The following CFAP77 variants were observed in gnomAD, a reference collection of about 807,000 sequenced individuals.
CFAP77 encodes the protein cilia- and flagella-associated protein 77.
In CFAP77, 25 loss-of-function variants were observed where a neutral mutation model predicts 31.1. The ratio of observed to expected loss-of-function variants is 0.80; its 90% confidence interval spans 0.59 to 1.12. The LOEUF is 1.12. Among genes scored for constraint, CFAP77 ranks in the 50% most tolerant of loss-of-function variants. The pLI, the probability that CFAP77 is intolerant of heterozygous loss-of-function variation, is 0.00. For synonymous variants in CFAP77, 151 were observed against 159.9 expected (o/e 0.94, Z 0.42); for missense variants, 377 against 397.3 (o/e 0.95, Z 0.44).
rs139008147 is a variant in CFAP77 at position 132,458,357 on chromosome 9, G to GGAGTGT, written c.196-40337_196-40336insAGTGTG. Among the ~76,000 whole-genome samples, 699 of 119,052 alleles carry GGAGTGT rather than the reference G, an allele frequency of 5.9e-3. 24 individuals are homozygous for GGAGTGT. Among genetic ancestry groups the GGAGTGT allele is most frequent in the African/African-American group, 0.021 (656 of 30,966 alleles). The allele number at this position is 119,052 out of a possible 152,430, so 78.1% of individuals were successfully genotyped here. On this transcript the variant is annotated intron_variant, in intron 1 of 5. Transcript: ENST00000393216. Reference sequence around the variant, plus strand: ...GTCTCCCTGGCGGGGGAGGGGGGGGGGTGTGTATGGAAGGCTCAGCTCATC... The same window carrying GGAGTGT: ...GTCTCCCTGGCGGGGGAGGGGGGGGGGAGTGTGTGTGTATGGAAGGCTCAGCTCATC...
At position 132,513,933 on chromosome 9, in the gene CFAP77, G is replaced by A. The variant is rs988522674; in HGVS notation, c.524+14333G>A. ...ACTGTGAGGAGATGACCCTTCCCCT[G>A]TACCCCTGACCACAGATGACAGTGA... On this transcript the variant is annotated intron_variant, in intron 3 of 5. Transcript: ENST00000393216. 6.4e-5 allele frequency among the ~76,000 whole-genome samples: 8 copies of A among 124,124 alleles called. 1 individual carries two copies. Among genetic ancestry groups the A allele is most frequent in the African/African-American group, 2.0e-4 (7 of 34,458 alleles). 81.4% of individuals were successfully genotyped at this position (124,124 alleles called of 152,430 possible).
chr9:132,549,243 C>G (rs1852785221), intron 5 of CFAP77, among the ~76,000 whole-genome samples: 1 of 152,300 alleles, frequency 6.6e-6, no homozygotes, highest in South Asian at 2.1e-4. Flanking sequence ...ATGGGCCGAC[C>G]CCCACAAAGG....
At chr9:132,468,141 G>C (rs181452679) in intron 1 of CFAP77, among the ~76,000 whole-genome samples, 1 of 151,882 alleles carries the variant, frequency 6.6e-6, no homozygotes, top group Non-Finnish European at 1.5e-5. Flanking sequence ...TCAGGAGTTC[G>C]AGACCAGCCT....
At chr9:132,496,508 G>A (rs1218413529) in intron 1 of CFAP77, among the ~76,000 whole-genome samples, 1 of 152,174 alleles carries the variant, frequency 6.6e-6, no homozygotes, top group Admixed American at 6.5e-5. Context: ...CATCCGACCT[G>A]TCCCCAGCCC....
chr9:132,447,616 G>A (rs189200317), intron 1 of CFAP77, among the ~76,000 whole-genome samples: 80 of 152,332 alleles, frequency 5.3e-4, no homozygotes, highest in African/African-American at 1.9e-3. Context: ...TCAGCACGTC[G>A]GTTACACACA....
intron 5 of CFAP77, among the ~76,000 whole-genome samples, chr9:132,566,265 A>T (rs991548736): frequency 3.3e-5 from 5 of 152,104 alleles, no homozygotes; most frequent in African/African-American, 1.2e-4. Flanking sequence ...GAGGCAATGG[A>T]GCTCGTGACG....
intron 3 of CFAP77, among the ~76,000 whole-genome samples, chr9:132,525,626 ATG>A (rs145692055): frequency 6.6e-6 from 1 of 151,302 alleles, no homozygotes; most frequent in Non-Finnish European, 1.5e-5. Flanking sequence ...GCATGTGTGT[ATG>A]TGTGTGTGTG....
chr9:132,427,571 C>T (rs1219927024), intron 1 of CFAP77, among the ~76,000 whole-genome samples: 5 of 152,084 alleles, frequency 3.3e-5, no homozygotes, highest in Non-Finnish European at 5.9e-5. Context: ...GCCGAGATCA[C>T]GCAACTGCAC....
intron 1 of CFAP77, among the ~76,000 whole-genome samples, chr9:132,435,095 T>C (rs1002096716): frequency 1.3e-5 from 2 of 152,162 alleles, no homozygotes; most frequent in African/African-American, 4.8e-5. Context: ...GGAGGTGGTG[T>C]TGTGGGCTGT....
intron 3 of CFAP77, among the ~76,000 whole-genome samples, chr9:132,530,136 C>CTTTTTTTTTTTTTTTTTTTTTTT (rs750962954): frequency 4.5e-4 from 42 of 93,256 alleles, no homozygotes; most frequent in African/African-American, 1.3e-3. Context: ...TCTTTCTTTT[C>CTTTTTTTTTTTTTTTTTTTTTTT]TTTTTTTTTT....
rs979442667 is a variant in CFAP77 at position 132,517,377 on chromosome 9, C to A, written c.524+17777C>A. On this transcript the variant is annotated intron_variant, in intron 3 of 5. Coordinates refer to ENST00000393216, the MANE Select transcript of CFAP77 (RefSeq NM_001282957.2). The surrounding 1 kb of genome is among the most constrained non-coding windows in gnomAD (Gnocchi z 4.7). ...AGAAGCATCAAGAGCCAAATAAGGA[C>A]CCGTCTTGAGTGGAATCACGTTGAA... Among the ~76,000 whole-genome samples, 5 of 152,332 alleles carry A rather than the reference C, an allele frequency of 3.3e-5. No individual in the cohort carries two copies. The highest frequency in any genetic ancestry group is 1.2e-4 in the African/African-American group (5 of 41,570).
At chr9:132,533,962 G>GT (rs1039977206) in intron 3 of CFAP77, among the ~76,000 whole-genome samples, 1 of 152,156 alleles carries the variant, frequency 6.6e-6, no homozygotes, top group African/African-American at 2.4e-5. Context: ...TTTACGTTGG[G>GT]TTTTTTCCCC....
In CFAP77 at chr9:132,552,255, G is replaced by A. The variant is rs1852834334; in HGVS notation, c.732+9208G>A. Among the ~76,000 whole-genome samples, 1 of 152,244 alleles carries A rather than the reference G, an allele frequency of 6.6e-6. No homozygotes were observed. Among genetic ancestry groups the A allele is most frequent in the Non-Finnish European group, 1.5e-5 (1 of 68,042 alleles). On this transcript the variant is annotated intron_variant, in intron 5 of 5. Coordinates refer to ENST00000393216, the MANE Select transcript of CFAP77 (RefSeq NM_001282957.2). The surrounding 1 kb of genome is among the most constrained non-coding windows in gnomAD (Gnocchi z 5.5). ...GAGAGGACCAAGTGCAATCATGCGTGTGAAGCGCGTGGCACAGGCCTGGCT... is the reference window on the plus strand; with the variant it reads ...GAGAGGACCAAGTGCAATCATGCGTATGAAGCGCGTGGCACAGGCCTGGCT...
Position 132,501,402 on chromosome 9 carries a change from C to CTTT in CFAP77, c.524+1815_524+1817dup, listed in dbSNP as rs750312944. ...CCAGCTCAGGTTACATGACTATCTT[C>CTTT]TTTTTTTTTTTTTTTGGACAGTGTC... On this transcript the variant is annotated intron_variant, in intron 3 of 5. Coordinates refer to ENST00000393216, the MANE Select transcript of CFAP77 (RefSeq NM_001282957.2). This position sits in a 1 kb window ranked among gnomAD's most constrained non-coding sequence, Gnocchi z 4.6. Among the ~76,000 whole-genome samples, 2 of 142,012 alleles carry CTTT rather than the reference C, an allele frequency of 1.4e-5. No individual in the cohort carries two copies. Among genetic ancestry groups the CTTT allele is most frequent in the Non-Finnish European group, 3.1e-5 (2 of 64,788 alleles). The allele number at this position is 142,012 out of a possible 152,430, so 93.2% of individuals were successfully genotyped here.
chr9:132,570,489 G>A (rs1016590822), intron 5 of CFAP77, among the ~76,000 whole-genome samples: 5 of 152,242 alleles, frequency 3.3e-5, no homozygotes, highest in African/African-American at 1.2e-4. Context: ...GCTGAGGCTG[G>A]ACAGCTCTGA....
rs562832629 is a variant in CFAP77 at position 132,564,192 on chromosome 9, C to T, written c.733-8196C>T. On this transcript the variant is annotated intron_variant, in intron 5 of 5. Coordinates refer to ENST00000393216, the MANE Select transcript of CFAP77 (RefSeq NM_001282957.2). The surrounding 1 kb of genome is among the most constrained non-coding windows in gnomAD (Gnocchi z 4.6). The stretch of plus-strand genomic sequence containing the variant: ...ACACAATGGATGGTCAATAAATAAG[C>T]ATTGAATAAAATCATGAATACATAA... 3.3e-5 allele frequency among the ~76,000 whole-genome samples: 5 copies of T among 152,278 alleles called. No individual in the cohort carries two copies. Among genetic ancestry groups the T allele is most frequent in the Admixed American group, 3.3e-4 (5 of 15,282 alleles).
At chr9:132,485,443 T>G (rs1399911193) in intron 1 of CFAP77, among the ~76,000 whole-genome samples, 1 of 152,204 alleles carries the variant, frequency 6.6e-6, no homozygotes, top group East Asian at 1.9e-4. Context: ...AAGCTCATGT[T>G]CTTAATCACA....
intron 3 of CFAP77, among the ~76,000 whole-genome samples, chr9:132,530,966 TGA>T: frequency 6.6e-6 from 1 of 152,296 alleles, no homozygotes; most frequent in East Asian, 1.9e-4. Flanking sequence ...AGACTTAGGT[TGA>T]GTTTGTTATG....
chr9:132,444,654 G>A (rs375496073), intron 1 of CFAP77, among the ~76,000 whole-genome samples: 3 of 152,188 alleles, frequency 2.0e-5, no homozygotes, highest in South Asian at 2.1e-4. Context: ...GATCCATAGC[G>A]AGGGTGTTGT....
Sources: gnomAD v4.1 joint callset for allele counts (sites outside exome capture counted in the v4.1 genomes callset) on GRCh38, gnomAD v4.1.1 for gene constraint, Gnocchi (gnomAD v3.1) non-coding constraint, MANE v1.5 for transcripts, NCBI Gene and HGNC (gene_info 2026-07-23, HGNC 2026-07-21) for gene names.